Variants in PCYT1B observed in about 807,000 individuals in gnomAD.
The protein encoded by PCYT1B is choline-phosphate cytidylyltransferase B.
Under a neutral mutation model 26.4 loss-of-function variants are expected in PCYT1B, and 10 were observed. The ratio of observed to expected loss-of-function variants is 0.38; its 90% CI spans 0.23 to 0.64. PCYT1B has a LOEUF of 0.64. Among genes scored for constraint, PCYT1B ranks in the 30% least tolerant of loss-of-function variants. The pLI is 0.56. For missense variants in PCYT1B, 161 were observed against 292.7 expected (o/e 0.55, Z 3.28); for synonymous variants, 131 against 108.4 (o/e 1.21, Z -1.29).
chrX:24,658,506 C>CTTTTTTTTTTTTTTTT (rs1203809740), intron 1 of PCYT1B, among the ~76,000 whole-genome samples: 1 of 58,859 alleles, frequency 1.7e-5, no homozygotes, highest in Admixed American at 2.3e-4. Context: ...TGTTTCATTG[C>CTTTTTTTTTTTTTTTT]TTTTTTTTTT....
chrX:24,646,908 T>G lies in PCYT1B; in HGVS notation c.117+81A>C. The G allele has an allele frequency of 3.8e-6, 3 of 780,951 alleles. No homozygotes were observed. In the South Asian group the frequency reaches 6.9e-5, roughly 18 times the overall value. The allele number at this position is 780,951 out of a possible 1,213,427, so 64.4% of individuals were successfully genotyped here. On this transcript the variant is annotated intron_variant, in intron 1 of 7. Coordinates refer to ENST00000379144, the MANE Select transcript of PCYT1B (RefSeq NM_004845.5). The stretch of plus-strand genomic sequence containing the variant: ...TACATGAAAATCCTCTAAGCATCGT[T>G]TTCCTCGCTGGCTGCGGGCGCATAA...
chrX:24,599,664 C>T (rs918644775), intron 3 of PCYT1B, among the ~76,000 whole-genome samples: 36 of 111,373 alleles, frequency 3.2e-4, no homozygotes, highest in African/African-American at 1.1e-3. Flanking sequence ...AAGTATGATA[C>T]AGTGATCACT....
intron 5 of PCYT1B, among the ~76,000 whole-genome samples, chrX:24,583,179 A>T (rs1228239938): frequency 8.9e-6 from 1 of 112,201 alleles, no homozygotes; most frequent in Non-Finnish European, 1.9e-5. Flanking sequence ...AAGTCAGAAG[A>T]AGCCTTGTGG....
rs41309687 is a variant in PCYT1B at position 24,559,631 on chromosome X, A to G, written c.*2662T>C. ...TGAAGCTTCCTTTCCTCACTAGGGC[A>G]AAAAGAATCTCTTTCCTTGCTTTGT... On this transcript the variant is annotated 3_prime_UTR_variant, in exon 8 of 8. Coordinates refer to ENST00000379144, the MANE Select transcript of PCYT1B (RefSeq NM_004845.5). The G allele has an allele frequency of 8.1e-5, 9 of 111,431 alleles. No homozygotes were observed. The highest frequency in any genetic ancestry group is 1.1e-4 in the Non-Finnish European group (6 of 53,073). 9.2% of individuals were successfully genotyped at this position (111,431 alleles called of 1,213,427 possible).
Position 24,577,251 on chromosome X carries a change from A to G in PCYT1B, c.709-1933T>C, listed in dbSNP as rs61761932. Among the ~76,000 whole-genome samples the G allele has an allele frequency of 7.0e-3, 782 of 111,348 alleles. 8 individuals carry two copies. The highest frequency in any genetic ancestry group is 0.025 in the African/African-American group (755 of 30,654). Reference sequence around the variant, plus strand: ...TCTACACGCCCATGCAACACATTAGATTTCATCTCTGAACTGCAGCCAGGT... The same window carrying G: ...TCTACACGCCCATGCAACACATTAGGTTTCATCTCTGAACTGCAGCCAGGT... On this transcript the variant is annotated intron_variant, in intron 6 of 7. Transcript: ENST00000379144.
At chrX:24,611,382 C>CA (rs1925304034) in intron 2 of PCYT1B, among the ~76,000 whole-genome samples, 1 of 111,579 alleles carries the variant, frequency 9.0e-6, no homozygotes, top group Non-Finnish European at 1.9e-5. Context: ...GGGGACTCTC[C>CA]AGAGCATCTA....
intron 2 of PCYT1B, among the ~76,000 whole-genome samples, chrX:24,613,950 CAAAAAAAAAAAAAAA>C (rs200062439): frequency 1.0e-4 from 8 of 77,217 alleles, no homozygotes; most frequent in East Asian, 3.9e-4. Context: ...AACAACCTGT[CAAAAAAAAAAAAAAA>C]AAAAAAAAAA....
intron 2 of PCYT1B, among the ~76,000 whole-genome samples, chrX:24,615,536 C>T (rs1925460633): frequency 9.2e-6 from 1 of 109,067 alleles, no homozygotes; most frequent in Non-Finnish European, 1.9e-5. Context: ...TCGATCTCAG[C>T]TCACTGCAAC....
chrX:24,610,686 A>G (rs2148248478), intron 2 of PCYT1B, among the ~76,000 whole-genome samples: 1 of 111,964 alleles, frequency 8.9e-6, no homozygotes, highest in East Asian at 2.8e-4. Flanking sequence ...GTAAATCTGA[A>G]GAGTATTTAC....
intron 7 of PCYT1B, among the ~76,000 whole-genome samples, chrX:24,570,533 C>T (rs753001832): frequency 4.4e-4 from 49 of 110,991 alleles, no homozygotes; most frequent in African/African-American, 1.5e-3. Flanking sequence ...GGATTACAGG[C>T]GTGAACTACT....
Position 24,579,933 on chromosome X carries a change from C to T in PCYT1B, c.566-475G>A, listed in dbSNP as rs916814941. 1.4e-4 allele frequency among the ~76,000 whole-genome samples: 16 copies of T among 112,058 alleles called. No individual in the cohort carries two copies. In the South Asian group the frequency reaches 3.8e-3, roughly 26 times the overall value. On this transcript the variant is annotated intron_variant, in intron 5 of 7. Coordinates refer to ENST00000379144, the MANE Select transcript of PCYT1B (RefSeq NM_004845.5). ...CTCATGCCTATAATCCCAGTACTTT[C>T]GAAGGCCGAGGCAGGCAGACCATTT...
chrX:24,579,213 G>GA, intron 6 of PCYT1B, 103 bp downstream of exon 6: 1 of 731,261 alleles, frequency 1.4e-6, no homozygotes, highest in Non-Finnish European at 2.0e-6. Flanking sequence ...GAGAGAGAGA[G>GA]GGAGAACACT....
intron 1 of PCYT1B, among the ~76,000 whole-genome samples, chrX:24,654,079 G>A (rs1926841449): frequency 1.2e-5 from 1 of 86,617 alleles, no homozygotes; most frequent in Non-Finnish European, 2.2e-5. Context: ...TTCCTTCCAC[G>A]TTTCTTTTCT....
chrX:24,607,898 G>T, intron 2 of PCYT1B, 37 bp from the exon 3 acceptor site: 1 of 765,802 alleles, frequency 1.3e-6, no homozygotes, highest in Non-Finnish European at 2.0e-6. Flanking sequence ...CAGAACTGCA[G>T]AATGAGGAAT....
chrX:24,598,313 A>G (rs1024613709), intron 3 of PCYT1B, among the ~76,000 whole-genome samples: 2 of 111,888 alleles, frequency 1.8e-5, no homozygotes, highest in African/African-American at 6.5e-5. Context: ...AACAAAAAAT[A>G]AAATTATTAT....
intron 5 of PCYT1B, among the ~76,000 whole-genome samples, chrX:24,580,928 T>C (rs1053200802): frequency 9.0e-6 from 1 of 111,594 alleles, no homozygotes; most frequent in Non-Finnish European, 1.9e-5. Flanking sequence ...TTGGACATGA[T>C]GACCTGGGAC....
chrX:24,627,548 C>T (rs182913586), intron 1 of PCYT1B, among the ~76,000 whole-genome samples: 21 of 111,748 alleles, frequency 1.9e-4, no homozygotes, highest in African/African-American at 4.5e-4. Flanking sequence ...TGGTCTCGAA[C>T]GCCTGACCTC....
Position 24,662,614 on chromosome X carries a change from A to C in PCYT1B, c.63+9956T>G, listed in dbSNP as rs1029693689. ...GCCTGTGAAGAGTTGTTCCAGGGCT[A>C]TTTGCCACTCACCTCCTTATCTCCC... On this transcript the variant is annotated intron_variant, in intron 1 of 7. Transcript: ENST00000379145. 7.2e-5 allele frequency among the ~76,000 whole-genome samples: 8 copies of C among 111,581 alleles called. 1 individual carries two copies. The Admixed American group carries it at 7.6e-4, about 11-fold the overall frequency.
chrX:24,593,889 AAT>A (rs766805431), intron 3 of PCYT1B, among the ~76,000 whole-genome samples: 4 of 109,732 alleles, frequency 3.6e-5, no homozygotes, highest in Non-Finnish European at 3.8e-5. Flanking sequence ...GATGCATATA[AAT>A]ATATATATAT....
Sources: gnomAD v4.1 joint callset for allele counts (sites outside exome capture counted in the v4.1 genomes callset) on GRCh38, gnomAD v4.1.1 for gene constraint, MANE v1.5 for transcripts, NCBI Gene and HGNC (gene_info 2026-07-23, HGNC 2026-07-21) for gene names.